The following MAP3K10 variants were observed in gnomAD, a reference collection of about 807,000 sequenced individuals.
MAP3K10 encodes mitogen-activated protein kinase kinase kinase 10, also known as MKN28 derived nonreceptor_type serine/threonine kinase.
In MAP3K10, 22 loss-of-function variants were observed where a neutral mutation model predicts 75.0. The observed-to-expected ratio is 0.29, with a 90% CI of 0.21 to 0.42. The LOEUF (loss-of-function observed/expected upper bound fraction) is 0.42, where lower values mean the gene tolerates loss of function less well. Ranked by LOEUF, MAP3K10 falls within the 10% of genes least tolerant of loss-of-function variation. The pLI, the probability that MAP3K10 is intolerant of heterozygous loss-of-function variation, is 1.00. For synonymous variants in MAP3K10, 599 were observed against 612.9 expected (o/e 0.98, Z 0.34); for missense variants, 1,165 against 1,379.8 (o/e 0.84, Z 2.47).
At position 40,213,831 on chromosome 19, in the gene MAP3K10, C is replaced by T. The variant is rs963649198; in HGVS notation, c.2152C>T (p.Pro718Ser). The change falls in exon 9 of 10, where the codon CCG becomes TCG. Residue 718 changes from proline to serine, a missense_variant. Transcript: ENST00000253055. This position sits in a 1 kb window ranked among gnomAD's most constrained non-coding sequence, Gnocchi z 5.7. ...CTTCTTTCCCCGCGCCGGCCGCTTC[C>T]CGCGGGGCCTCAGCCCACCCGCGCG... ...GLFFPRAGRF[P>S]RGLSPPARPH... The T allele has an allele frequency of 4.5e-6, 6 of 1,329,154 alleles. No individual in the cohort carries two copies. The African/African-American group carries it at 9.5e-5, about 21-fold the overall frequency. 82.3% of individuals were successfully genotyped at this position (1,329,154 alleles called of 1,614,324 possible).
chr19:40,195,176 G>C (rs1404981968), intron 1 of MAP3K10, among the ~76,000 whole-genome samples: 1 of 152,176 alleles, frequency 6.6e-6, no homozygotes. Context: ...TAGGACCTTG[G>C]GGGCCATGGT....
Position 40,205,899 on chromosome 19 carries a change from T to C in MAP3K10, c.1189-12T>C. 1 of 1,529,052 alleles carries C rather than the reference T, an allele frequency of 6.5e-7. No homozygotes were observed. Among genetic ancestry groups the C allele is most frequent in the Non-Finnish European group, 8.8e-7 (1 of 1,134,068 alleles). 94.7% of individuals were successfully genotyped at this position (1,529,052 alleles called of 1,614,324 possible). On this transcript the variant is annotated splice_polypyrimidine_tract_variant and intron_variant, in intron 4 of 9. Transcript: ENST00000253055. The surrounding 1 kb of genome is among the most constrained non-coding windows in gnomAD (Gnocchi z 4.3). ...TAAGCCCCTCCCCCCAGCCACCGCC[T>C]CTCCTTCCCAGGAGCTTCGGAGCCG...
At chr19:40,195,429 G>T (rs1425228691) in intron 1 of MAP3K10, among the ~76,000 whole-genome samples, 1 of 149,234 alleles carries the variant, frequency 6.7e-6, no homozygotes, top group Non-Finnish European at 1.5e-5. Flanking sequence ...GGAATTTACA[G>T]TGGGGGCTTC....
In MAP3K10 at chr19:40,215,035, C is replaced by T. The variant is rs752821013; in HGVS notation, c.2608C>T (p.Arg870Trp). 24 of 1,603,076 alleles carry T rather than the reference C, an allele frequency of 1.5e-5. No individual in the cohort carries two copies. The highest frequency in any genetic ancestry group is 2.2e-5 in the East Asian group (1 of 44,738). Residue 870 changes from arginine (R) to tryptophan (W), a missense_variant, in exon 10 of 10, where the codon CGG becomes TGG. By Grantham distance (101) the Arg-to-Trp change is moderately radical (BLOSUM62 -3). This residue lies in a region of MAP3K10 where 590 missense variants were observed against 586.6 expected (regional missense o/e 1.01). Coordinates refer to ENST00000253055, the MANE Select transcript of MAP3K10 (RefSeq NM_002446.4). ...CCAGGCCCTGTTCCCAGCCCGCCGC[C>T]GGCCCCCTGAGTTCCCAGGCCGCCC... Reference protein sequence around the residue: ...DPQALFPARRRPPEFPGRPTT... With the variant: ...DPQALFPARRWPPEFPGRPTT...
chr19:40,192,570 G>A lies in MAP3K10; in HGVS notation c.539G>A (p.Gly180Asp). The A allele has an allele frequency of 6.2e-7, 1 of 1,613,472 alleles. No homozygotes were observed. The highest frequency in any genetic ancestry group is 8.5e-7 in the Non-Finnish European group (1 of 1,179,900). The change falls in exon 1 of 10, where the codon GGT (glycine) becomes GAT (aspartate). Residue 180 changes from glycine to aspartate, a missense_variant. Physicochemically the swap from Gly to Asp is moderately conservative, Grantham distance 94. This residue lies in a region of MAP3K10 where 575 missense variants were observed against 793.2 expected (regional missense o/e 0.72). Transcript: ENST00000253055. This position sits in a 1 kb window ranked among gnomAD's most constrained non-coding sequence, Gnocchi z 7.1. ...LCLVMEYARG[G>D]ALSRVLAGRR... ...CTAGTGATGGAGTATGCCCGGGGTG[G>A]TGCACTGAGCAGGGTGCTGGCAGGT...
intron 2 of MAP3K10, among the ~76,000 whole-genome samples, chr19:40,203,661 C>A (rs1273763261): frequency 6.6e-6 from 1 of 152,240 alleles, no homozygotes; most frequent in Non-Finnish European, 1.5e-5. Flanking sequence ...CCAAATCCTT[C>A]TGCCTTACAG....
chr19:40,205,907 C>G lies in MAP3K10; in HGVS notation c.1189-4C>G. 6.5e-7 allele frequency: 1 copy of G among 1,545,040 alleles called. No individual in the cohort carries two copies. Among genetic ancestry groups the G allele is most frequent in the East Asian group, 2.4e-5 (1 of 42,294 alleles). On this transcript the variant is annotated splice_polypyrimidine_tract_variant and splice_region_variant and intron_variant, in intron 4 of 9. Coordinates refer to ENST00000253055, the MANE Select transcript of MAP3K10 (RefSeq NM_002446.4). The surrounding 1 kb of genome is among the most constrained non-coding windows in gnomAD (Gnocchi z 4.3). The stretch of plus-strand genomic sequence containing the variant: ...TCCCCCCAGCCACCGCCTCTCCTTC[C>G]CAGGAGCTTCGGAGCCGTGAGGAGG...
chr19:40,212,870 C>G lies in MAP3K10; in HGVS notation c.1618C>G (p.Arg540Gly). 1 of 1,611,264 alleles carries G rather than the reference C, an allele frequency of 6.2e-7. No homozygotes were observed. The highest frequency in any genetic ancestry group is 8.5e-7 in the Non-Finnish European group (1 of 1,179,120). Residue 540 changes from arginine to glycine, a missense_variant, in exon 7 of 10, where the codon CGC becomes GGC. Physicochemically the swap from Arg to Gly is moderately radical, Grantham distance 125. Around this residue, in one of 2 missense-constraint regions of MAP3K10, gnomAD observed 575 missense variants for 793.2 expected, o/e 0.72. Coordinates refer to ENST00000253055, the MANE Select transcript of MAP3K10 (RefSeq NM_002446.4). This position sits in a 1 kb window ranked among gnomAD's most constrained non-coding sequence, Gnocchi z 4.2. Reference sequence around the variant, plus strand: ...CAGTGGAGGAAGTGGGACATGGAGCCGCGGTGGGCCCCCAAAGAAGGAAGA... The same window carrying G: ...CAGTGGAGGAAGTGGGACATGGAGCGGCGGTGGGCCCCCAAAGAAGGAAGA... ...SSSGGSGTWS[R>G]GGPPKKEELV...
At position 40,209,449 on chromosome 19, in the gene MAP3K10, A is replaced by G. The variant is rs147222871; in HGVS notation, c.1552+230A>G. On this transcript the variant is annotated intron_variant, in intron 6 of 9. Transcript: ENST00000253055. The stretch of plus-strand genomic sequence containing the variant: ...TTGGAGACAGACAGAGTCTCGCTCT[A>G]TCTCCCAGGCTGGAGTGCAGTGGTG... Among the ~76,000 whole-genome samples the G allele has an allele frequency of 6.7e-3, 968 of 145,436 alleles. 13 individuals carry two copies. Among genetic ancestry groups the G allele is most frequent in the African/African-American group, 0.023 (912 of 39,016 alleles).
At chr19:40,210,438 C>T (rs1311782928) in intron 6 of MAP3K10, among the ~76,000 whole-genome samples, 1 of 152,114 alleles carries the variant, frequency 6.6e-6, no homozygotes, top group Non-Finnish European at 1.5e-5. Context: ...CGGCGGCTCA[C>T]GCCTGTAATC....
chr19:40,213,433 G>T lies in MAP3K10; in HGVS notation c.1838-84G>T. 6.5e-7 allele frequency: 1 copy of T among 1,549,410 alleles called. No homozygotes were observed. The highest frequency in any genetic ancestry group is 2.4e-5 in the East Asian group (1 of 41,872). ...GGGTCTTGGTCTTGCTGTTGGAGGGGTCATCGGGGGCTGTCCCTTGGCACA... is the reference window on the plus strand; with the variant it reads ...GGGTCTTGGTCTTGCTGTTGGAGGGTTCATCGGGGGCTGTCCCTTGGCACA... On this transcript the variant is annotated intron_variant, in intron 8 of 9. Coordinates refer to ENST00000253055, the MANE Select transcript of MAP3K10 (RefSeq NM_002446.4). This position sits in a 1 kb window ranked among gnomAD's most constrained non-coding sequence, Gnocchi z 5.7.
intron 5 of MAP3K10, among the ~76,000 whole-genome samples, chr19:40,208,345 C>CTTTCTTTTTTTTTTTTT (rs1555756622): frequency 5.7e-4 from 32 of 55,912 alleles, no homozygotes; most frequent in Non-Finnish European, 9.4e-4. Context: ...CTCTTTCTTT[C>CTTTCTTTTTTTTTTTTT]TTTTTTTTTT....
Position 40,192,931 on chromosome 19 carries a change from C to T in MAP3K10, c.682+218C>T, listed in dbSNP as rs1387093486. 6.6e-6 allele frequency among the ~76,000 whole-genome samples: 1 copy of T among 152,196 alleles called. No individual in the cohort carries two copies. Among genetic ancestry groups the T allele is most frequent in the Non-Finnish European group, 1.5e-5 (1 of 68,032 alleles). ...TTGAAGGACTTACCTGCCTCCCAGG[C>T]TGCAGAGTCACAATCGCTCAGTAAA... On this transcript the variant is annotated intron_variant, in intron 1 of 9. Transcript: ENST00000253055. The surrounding 1 kb of genome is among the most constrained non-coding windows in gnomAD (Gnocchi z 7.1).
Position 40,213,406 on chromosome 19 carries a change from G to A in MAP3K10, c.1838-111G>A. On this transcript the variant is annotated intron_variant, in intron 8 of 9. Coordinates refer to ENST00000253055, the MANE Select transcript of MAP3K10 (RefSeq NM_002446.4). This position sits in a 1 kb window ranked among gnomAD's most constrained non-coding sequence, Gnocchi z 5.7. ...GGAGACAGATTCAAGAACGATGCTC[G>A]TGGGTCTTGGTCTTGCTGTTGGAGG... 1.4e-5 allele frequency: 21 copies of A among 1,499,280 alleles called. No homozygotes were observed. The highest frequency in any genetic ancestry group is 1.9e-5 in the Non-Finnish European group (21 of 1,128,388). 92.9% of individuals were successfully genotyped at this position (1,499,280 alleles called of 1,614,324 possible). A position where few individuals can be genotyped will look rare whatever the true frequency, so the allele number is the denominator to read the frequency against.
chr19:40,199,931 G>A (rs757427798), intron 2 of MAP3K10, among the ~76,000 whole-genome samples: 55 of 152,300 alleles, frequency 3.6e-4, no homozygotes, highest in Non-Finnish European at 6.6e-4. Context: ...GGCCCAGGTG[G>A]GTGAATCCCT....
At chr19:40,211,295 A>G (rs1354689650) in intron 6 of MAP3K10, among the ~76,000 whole-genome samples, 1 of 149,396 alleles carries the variant, frequency 6.7e-6, no homozygotes, top group Non-Finnish European at 1.5e-5. Flanking sequence ...TGAGAGCAGG[A>G]TAAGAGTCTG....
intron 5 of MAP3K10, among the ~76,000 whole-genome samples, chr19:40,207,885 A>G (rs1417053533): frequency 1.3e-5 from 2 of 152,050 alleles, no homozygotes; most frequent in Non-Finnish European, 2.9e-5. Flanking sequence ...TGGACAGTAA[A>G]TTTTCATTAA....
chr19:40,214,539 T>C (rs1291596292), intron 9 of MAP3K10, among the ~76,000 whole-genome samples: 1 of 152,204 alleles, frequency 6.6e-6, no homozygotes, highest in Non-Finnish European at 1.5e-5. Context: ...GATGCGGCCA[T>C]AGCAGTGTTA....
At position 40,213,915 on chromosome 19, in the gene MAP3K10, C is replaced by A; in HGVS notation, c.2236C>A (p.Leu746Ile). The stretch of plus-strand genomic sequence containing the variant: ...CCTGGGCCTGGCGCCCTCGGCCACC[C>A]TCGTGTCGCTGTCGTCCGTGTCCGA... ...PGLGLAPSATLVSLSSVSDCN... is the reference protein window; with the variant it reads ...PGLGLAPSATIVSLSSVSDCN... Residue 746 changes from leucine to isoleucine, a missense_variant, in exon 9 of 10, where the codon CTC (leucine) becomes ATC (isoleucine). Leu to Ile is a conservative substitution (Grantham distance 5). Coordinates refer to ENST00000253055, the MANE Select transcript of MAP3K10 (RefSeq NM_002446.4). The surrounding 1 kb of genome is among the most constrained non-coding windows in gnomAD (Gnocchi z 5.7). 1.3e-6 allele frequency: 2 copies of A among 1,518,852 alleles called. No individual in the cohort carries two copies. The highest frequency in any genetic ancestry group is 5.3e-5 in the East Asian group (2 of 37,490). The allele number at this position is 1,518,852 out of a possible 1,614,324, so 94.1% of individuals were successfully genotyped here. A position where few individuals can be genotyped will look rare whatever the true frequency, so the allele number is the denominator to read the frequency against.
Sources: gnomAD v4.1 joint callset for allele counts (sites outside exome capture counted in the v4.1 genomes callset) on GRCh38, gnomAD v4.1.1 for gene constraint, gnomAD v4.1.1 regional missense constraint, Gnocchi (gnomAD v3.1) non-coding constraint, MANE v1.5 for transcripts, NCBI Gene and HGNC (gene_info 2026-07-23, HGNC 2026-07-21) for gene names.